The following PRKAG2 variants were observed in gnomAD, a reference collection of about 807,000 sequenced individuals.
PRKAG2 encodes the protein 5'-AMP-activated protein kinase subunit gamma-2.
Under a neutral mutation model 69.6 loss-of-function variants are expected in PRKAG2, and 26 were observed. The observed-to-expected ratio is 0.37, with a 90% CI of 0.27 to 0.52. The LOEUF (loss-of-function observed/expected upper bound fraction) is 0.52. Among genes scored for constraint, PRKAG2 ranks in the 20% least tolerant of loss-of-function variants. PRKAG2 has a pLI of 0.90. For synonymous variants in PRKAG2, 293 were observed against 285.0 expected (o/e 1.03, Z -0.28); for missense variants, 557 against 740.0 (o/e 0.75, Z 2.87).
chr7:151,577,173 A>C (rs1194649480), intron 6 of PRKAG2, among the ~76,000 whole-genome samples: 1 of 152,172 alleles, frequency 6.6e-6, no homozygotes, highest in Non-Finnish European at 1.5e-5. Flanking sequence ...CAATGAGAAA[A>C]CAAGCATACT....
chr7:151,624,252 AG>A lies in PRKAG2; in HGVS notation c.754+7816del, dbSNP rs539879007. On this transcript the variant is annotated intron_variant, in intron 5 of 15. Coordinates refer to ENST00000287878, the MANE Select transcript of PRKAG2 (RefSeq NM_016203.4). ...CAGTGATGCCCTCATGGTTCAGCAC[AG>A]CCTCAACCTCCTGGACTCAGGAGGC... Among the ~76,000 whole-genome samples the A allele has an allele frequency of 1.6e-3, 236 of 151,788 alleles. 1 individual carries two copies. The highest frequency in any genetic ancestry group is 5.5e-3 in the African/African-American group (229 of 41,340).
chr7:151,634,675 G>C (rs1825421668), intron 4 of PRKAG2, among the ~76,000 whole-genome samples: 1 of 152,102 alleles, frequency 6.6e-6, no homozygotes, highest in South Asian at 2.1e-4. Flanking sequence ...AGAAAATGGA[G>C]AAAATAATCC....
chr7:151,678,773 A>G (rs1353285596), intron 3 of PRKAG2, among the ~76,000 whole-genome samples: 1 of 152,194 alleles, frequency 6.6e-6, no homozygotes, highest in East Asian at 1.9e-4. Flanking sequence ...AGACTGGCCA[A>G]CATGGCAAAA....
At chr7:151,734,845 A>ATTTTTTTTTTTTTTTTTTTT (rs1799504256) in intron 3 of PRKAG2, among the ~76,000 whole-genome samples, 1 of 122,968 alleles carries the variant, frequency 8.1e-6, no homozygotes, top group African/African-American at 3.4e-5. Context: ...CCTAAATCTG[A>ATTTTTTTTTTTTTTTTTTTT]TTCTTTTTTT....
At chr7:151,721,287 C>T (rs1203753857) in intron 3 of PRKAG2, among the ~76,000 whole-genome samples, 1 of 152,160 alleles carries the variant, frequency 6.6e-6, no homozygotes, top group Non-Finnish European at 1.5e-5. Context: ...AATGCCCCTT[C>T]CTGCTTCCTC....
Position 151,564,231 on chromosome 7 carries a change from T to C in PRKAG2, c.1438-7A>G. 6.2e-7 allele frequency: 1 copy of C among 1,614,048 alleles called. No homozygotes were observed. Among genetic ancestry groups the C allele is most frequent in the African/African-American group, 1.3e-5 (1 of 75,050 alleles). On this transcript the variant is annotated splice_region_variant and splice_polypyrimidine_tract_variant and intron_variant, in intron 13 of 15. Transcript: ENST00000287878. ...TTTTCTCAGCAGCAAGATTCTGTAA[T>C]GAAGCAAGAGAATAAATTATATCCT...
At chr7:151,694,207 T>C (rs1323879381) in intron 3 of PRKAG2, among the ~76,000 whole-genome samples, 2 of 152,254 alleles carry the variant, frequency 1.3e-5, no homozygotes, top group Non-Finnish European at 2.9e-5. Flanking sequence ...ACCCAGTCTA[T>C]GGTATGATTA....
intron 5 of PRKAG2, among the ~76,000 whole-genome samples, chr7:151,596,044 GA>G (rs141255317): frequency 0.016 from 2,357 of 151,634 alleles, 53 homozygotes; most frequent in African/African-American, 0.054. Flanking sequence ...AAATAAAGGG[GA>G]AAAAAAAGAC....
Position 151,719,518 on chromosome 7 carries a change from A to G in PRKAG2, c.467-43881T>C, listed in dbSNP as rs1303824064. Reference sequence around the variant, plus strand: ...GTCACCCTGAGACTCTCGCTGTCCAATCTTCCCTGCCACCGTGGCCGCAGG... The same window carrying G: ...GTCACCCTGAGACTCTCGCTGTCCAGTCTTCCCTGCCACCGTGGCCGCAGG... On this transcript the variant is annotated intron_variant, in intron 3 of 15. Coordinates refer to ENST00000287878, the MANE Select transcript of PRKAG2 (RefSeq NM_016203.4). This position sits in a 1 kb window ranked among gnomAD's most constrained non-coding sequence, Gnocchi z 5.2. Among the ~76,000 whole-genome samples the G allele has an allele frequency of 6.6e-6, 1 of 151,990 alleles. No individual in the cohort carries two copies. The highest frequency in any genetic ancestry group is 2.4e-5 in the African/African-American group (1 of 41,412).
At chr7:151,592,648 G>A (rs1813507844) in intron 6 of PRKAG2, among the ~76,000 whole-genome samples, 1 of 152,174 alleles carries the variant, frequency 6.6e-6, no homozygotes, top group Non-Finnish European at 1.5e-5. Flanking sequence ...TGGTCATTTT[G>A]AGTACTGTTC....
At chr7:151,779,140 A>G (rs986621784) in intron 3 of PRKAG2, among the ~76,000 whole-genome samples, 1 of 152,248 alleles carries the variant, frequency 6.6e-6, no homozygotes, top group African/African-American at 2.4e-5. Context: ...AACATAAATA[A>G]CAATGAAAGA....
chr7:151,601,656 T>C (rs941271029), intron 5 of PRKAG2, among the ~76,000 whole-genome samples: 16 of 152,178 alleles, frequency 1.1e-4, no homozygotes, highest in Admixed American at 2.0e-4. Flanking sequence ...AGGTAATTCC[T>C]GGGACATCAC....
chr7:151,593,166 C>A (rs952283366), intron 6 of PRKAG2, among the ~76,000 whole-genome samples: 2 of 152,138 alleles, frequency 1.3e-5, no homozygotes, highest in Non-Finnish European at 2.9e-5. Context: ...AAAGTCAAAT[C>A]AGCTGTTACT....
chr7:151,638,264 C>T lies in PRKAG2; in HGVS notation c.685-6126G>A, dbSNP rs1352892260. Among the ~76,000 whole-genome samples, 1 of 152,156 alleles carries T rather than the reference C, an allele frequency of 6.6e-6. No homozygotes were observed. The highest frequency in any genetic ancestry group is 1.5e-5 in the Non-Finnish European group (1 of 68,030). On this transcript the variant is annotated intron_variant, in intron 4 of 15. Coordinates refer to ENST00000287878, the MANE Select transcript of PRKAG2 (RefSeq NM_016203.4). This position sits in a 1 kb window ranked among gnomAD's most constrained non-coding sequence, Gnocchi z 4.3. ...AGTGTGGTGGGAGGGAACAGAGGGA[C>T]CCAAGTTGGACTTTATGGAGAGAAT...
chr7:151,768,804 C>T (rs527271046), intron 3 of PRKAG2, among the ~76,000 whole-genome samples: 18 of 152,306 alleles, frequency 1.2e-4, no homozygotes, highest in Admixed American at 2.6e-4. Flanking sequence ...AAGAAGGCTG[C>T]AGTTGGTGCC....
chr7:151,616,450 C>A (rs1229773329), intron 5 of PRKAG2, among the ~76,000 whole-genome samples: 1 of 152,258 alleles, frequency 6.6e-6, no homozygotes, highest in Non-Finnish European at 1.5e-5. Flanking sequence ...GCAGCTCCCA[C>A]TCAGACGGAC....
At chr7:151,811,753 C>T (rs2078432761) in intron 1 of PRKAG2, among the ~76,000 whole-genome samples, 1 of 152,210 alleles carries the variant, frequency 6.6e-6, no homozygotes, top group Non-Finnish European at 1.5e-5. Flanking sequence ...TTGAACGAGC[C>T]ACTTACCTGT....
intron 1 of PRKAG2, among the ~76,000 whole-genome samples, chr7:151,871,950 C>T (rs2080228359): frequency 6.6e-6 from 1 of 152,190 alleles, no homozygotes; most frequent in South Asian, 2.1e-4. Context: ...CAGTCACAGG[C>T]CAGCCAGGGC....
intron 4 of PRKAG2, among the ~76,000 whole-genome samples, chr7:151,637,599 T>A (rs952916997): frequency 6.6e-6 from 1 of 152,174 alleles, no homozygotes; most frequent in African/African-American, 2.4e-5. Flanking sequence ...TTATGTAATA[T>A]GCTAGTGGGA....
Sources: gnomAD v4.1 joint callset for allele counts (sites outside exome capture counted in the v4.1 genomes callset) on GRCh38, gnomAD v4.1.1 for gene constraint, Gnocchi (gnomAD v3.1) non-coding constraint, MANE v1.5 for transcripts, NCBI Gene and HGNC (gene_info 2026-07-23, HGNC 2026-07-21) for gene names.